PROS1: variants seen among roughly 807,000 people sequenced by gnomAD.
PROS1 encodes the protein protein S.
Under a neutral mutation model 75.9 loss-of-function variants are expected in PROS1, and 29 were observed. The observed-to-expected ratio is 0.38, with a 90% CI of 0.28 to 0.52. The LOEUF is 0.52. Among genes scored for constraint, PROS1 ranks in the 20% least tolerant of loss-of-function variants. PROS1 has a pLI of 0.83. For missense variants in PROS1, 680 were observed against 810.3 expected (o/e 0.84, Z 1.95); for synonymous variants, 245 against 280.6 (o/e 0.87, Z 1.27).
intron 12 of PROS1, among the ~76,000 whole-genome samples, chr3:93,884,287 T>C (rs1300820055): frequency 1.3e-5 from 2 of 152,168 alleles, no homozygotes; most frequent in East Asian, 1.9e-4. Flanking sequence ...ATAATTATGA[T>C]GAATACATTG....
Position 93,973,724 on chromosome 3 carries a change from C to G in PROS1, c.26G>C (p.Gly9Ala). ...TAGGAGGAGACACGCCAGCAGCGCC[C>G]CGCAGCGCCCACCCAGGACCCTCAT... MRVLGGRC[G>A]ALLACLLLVL... The change falls in exon 1 of 15, where the codon GGG (glycine) becomes GCG (alanine). Residue 9 changes from glycine (G) to alanine (A), a missense_variant. Coordinates refer to ENST00000394236, the MANE Select transcript of PROS1 (RefSeq NM_000313.4). The G allele has an allele frequency of 6.2e-7, 1 of 1,613,812 alleles. No homozygotes were observed. The highest frequency in any genetic ancestry group is 1.1e-5 in the South Asian group (1 of 91,060).
At chr3:93,878,044 G>C (rs1708217567) in intron 13 of PROS1, among the ~76,000 whole-genome samples, 1 of 152,158 alleles carries the variant, frequency 6.6e-6, no homozygotes, top group African/African-American at 2.4e-5. Flanking sequence ...CTGGAATAAT[G>C]TTATGAAATA....
At chr3:93,894,652 CA>C (rs958263910) in intron 9 of PROS1, among the ~76,000 whole-genome samples, 1 of 152,066 alleles carries the variant, frequency 6.6e-6, no homozygotes, top group African/African-American at 2.4e-5. Context: ...TTCTTTTTCA[CA>C]AGCATGGTAA....
intron 4 of PROS1, among the ~76,000 whole-genome samples, chr3:93,906,359 C>T (rs1010777714): frequency 1.6e-4 from 24 of 152,324 alleles, no homozygotes; most frequent in African/African-American, 5.8e-4. Flanking sequence ...GCAGCAGTGG[C>T]CCATGTAGAG....
At position 93,965,682 on chromosome 3, in the gene PROS1, G is replaced by C. The variant is rs182517154; in HGVS notation, c.76+7992C>G. Among the ~76,000 whole-genome samples, 200 of 152,138 alleles carry C rather than the reference G, an allele frequency of 1.3e-3. 1 individual carries two copies. Among genetic ancestry groups the C allele is most frequent in the Admixed American group, 3.8e-3 (58 of 15,268 alleles). Reference sequence around the variant, plus strand: ...AGCAAGGACCCCCCGGTAACAACCTGATACTTTTCTTTTCTTTTCTATTTT... The same window carrying C: ...AGCAAGGACCCCCCGGTAACAACCTCATACTTTTCTTTTCTTTTCTATTTT... On this transcript the variant is annotated intron_variant, in intron 1 of 14. Coordinates refer to ENST00000394236, the MANE Select transcript of PROS1 (RefSeq NM_000313.4).
intron 1 of PROS1, among the ~76,000 whole-genome samples, chr3:93,944,464 CA>C (rs1709347320): frequency 1.3e-5 from 2 of 152,116 alleles, no homozygotes; most frequent in Admixed American, 1.3e-4. Context: ...TCTCTCAGAC[CA>C]CAATGCAATC....
Position 93,973,721 on chromosome 3 carries a change from G to A in PROS1, c.29C>T (p.Ala10Val), listed in dbSNP as rs769834423. 3.1e-6 allele frequency: 5 copies of A among 1,613,642 alleles called. No individual in the cohort carries two copies. Among genetic ancestry groups the A allele is most frequent in the Non-Finnish European group, 4.2e-6 (5 of 1,179,880 alleles). The change falls in exon 1 of 15, where the codon GCG (alanine) becomes GTG (valine). Residue 10 changes from alanine to valine, a missense_variant. By Grantham distance (64) the Ala-to-Val change is moderately conservative. Coordinates refer to ENST00000394236, the MANE Select transcript of PROS1 (RefSeq NM_000313.4). ...CACTAGGAGGAGACACGCCAGCAGC[G>A]CCCCGCAGCGCCCACCCAGGACCCT... MRVLGGRCG[A>V]LLACLLLVLP...
chr3:93,873,717 C>A lies in PROS1; in HGVS notation c.*528G>T. 6.4e-6 allele frequency: 1 copy of A among 155,064 alleles called. No individual in the cohort carries two copies. Among genetic ancestry groups the A allele is most frequent in the Non-Finnish European group, 1.4e-5 (1 of 70,018 alleles). 9.6% of individuals were successfully genotyped at this position (155,064 alleles called of 1,614,324 possible). On this transcript the variant is annotated 3_prime_UTR_variant, in exon 15 of 15. Coordinates refer to ENST00000394236, the MANE Select transcript of PROS1 (RefSeq NM_000313.4). ...AAGCCACACAAGAGAAAGATGAAGC[C>A]AAAGCTGTTCCCCCTGAGGAATTGT...
chr3:93,939,807 A>G (rs1324802611), intron 1 of PROS1, among the ~76,000 whole-genome samples: 5 of 152,120 alleles, frequency 3.3e-5, no homozygotes, highest in Admixed American at 6.6e-5. Context: ...TAAGCATTTT[A>G]TTACCCAATC....
intron 1 of PROS1, among the ~76,000 whole-genome samples, chr3:93,948,642 GAACAATA>G (rs1199509514): frequency 1.3e-5 from 2 of 152,006 alleles, no homozygotes; most frequent in African/African-American, 4.8e-5. Flanking sequence ...AGACTATTTA[GAACAATA>G]AACAATAATG....
At chr3:93,949,196 C>T (rs935319152) in intron 1 of PROS1, among the ~76,000 whole-genome samples, 1 of 152,162 alleles carries the variant, frequency 6.6e-6, no homozygotes, top group Non-Finnish European at 1.5e-5. Context: ...GCTAAGCAGA[C>T]AATATTAGGC....
At chr3:93,887,357 A>G (rs1461306018) in intron 10 of PROS1, among the ~76,000 whole-genome samples, 2 of 152,238 alleles carry the variant, frequency 1.3e-5, no homozygotes, top group Non-Finnish European at 2.9e-5. Flanking sequence ...GAGTTTTCCA[A>G]TTTTGAGAGT....
intron 2 of PROS1, among the ~76,000 whole-genome samples, chr3:93,926,249 T>C (rs529610402): frequency 6.6e-6 from 1 of 152,340 alleles, no homozygotes; most frequent in Non-Finnish European, 1.5e-5. Context: ...TGTATTACAC[T>C]GATCTCTCTA....
At chr3:93,875,365 A>G (rs1266317782) in intron 14 of PROS1, among the ~76,000 whole-genome samples, 1 of 151,966 alleles carries the variant, frequency 6.6e-6, no homozygotes, top group Non-Finnish European at 1.5e-5. Context: ...TTAATATCTC[A>G]ATATTTAGCT....
At chr3:93,941,807 C>T (rs1457788676) in intron 1 of PROS1, among the ~76,000 whole-genome samples, 3 of 152,156 alleles carry the variant, frequency 2.0e-5, no homozygotes, top group Non-Finnish European at 4.4e-5. Context: ...TTTAGAGGCC[C>T]TCAAAATCAC....
At chr3:93,973,545 GTGTC>G in intron 1 of PROS1, 125 bp downstream of exon 1, 2 of 910,430 alleles carry the variant, frequency 2.2e-6, no homozygotes, top group South Asian at 2.9e-5. Context: ...CATCCGCTGG[GTGTC>G]TGTCGGTACT....
chr3:93,940,730 T>C (rs1709271119), intron 1 of PROS1, among the ~76,000 whole-genome samples: 1 of 152,126 alleles, frequency 6.6e-6, no homozygotes, highest in Admixed American at 6.5e-5. Context: ...CTAATCACCA[T>C]TACCTTGCTC....
intron 9 of PROS1, among the ~76,000 whole-genome samples, chr3:93,895,733 C>T (rs890586774): frequency 6.6e-6 from 1 of 152,024 alleles, no homozygotes; most frequent in African/African-American, 2.4e-5. Context: ...TGGCAGATCA[C>T]CTGAGGTGAT....
At chr3:93,884,390 G>C (rs1708316143) in intron 12 of PROS1, among the ~76,000 whole-genome samples, 1 of 152,154 alleles carries the variant, frequency 6.6e-6, no homozygotes, top group Non-Finnish European at 1.5e-5. Context: ...AGAAATGCTA[G>C]AAATGAAGAT....
Sources: gnomAD v4.1 joint callset for allele counts (sites outside exome capture counted in the v4.1 genomes callset) on GRCh38, gnomAD v4.1.1 for gene constraint, MANE v1.5 for transcripts, NCBI Gene and HGNC (gene_info 2026-07-23, HGNC 2026-07-21) for gene names.